Variants in PPP2R5E observed in about 807,000 individuals in gnomAD.
PPP2R5E encodes the protein protein phosphatase 2 regulatory subunit B'epsilon.
PPP2R5E carries 4 observed loss-of-function variants against 65.3 expected under a neutral mutation model. The ratio of observed to expected loss-of-function variants is 0.06; its 90% CI spans 0.03 to 0.14. The LOEUF (loss-of-function observed/expected upper bound fraction) is 0.14. Among genes scored for constraint, PPP2R5E ranks in the 10% least tolerant of loss-of-function variants. The pLI is 1.00. For missense variants in PPP2R5E, 274 were observed against 556.1 expected, an observed-to-expected ratio of 0.49 and a Z score of 5.10; for synonymous variants, 183 against 187.4, an observed-to-expected ratio of 0.98 and a Z score of 0.19.
intron 13 of PPP2R5E, among the ~76,000 whole-genome samples, chr14:63,379,536 T>G (rs1028899638): frequency 6.6e-6 from 1 of 152,234 alleles, no homozygotes; most frequent in Non-Finnish European, 1.5e-5. Flanking sequence ...CCTCCCAAAG[T>G]GCTGCGATTA....
chr14:63,515,881 G>C (rs1448499929), intron 2 of PPP2R5E, among the ~76,000 whole-genome samples: 1 of 129,468 alleles, frequency 7.7e-6, no homozygotes, highest in Non-Finnish European at 1.6e-5. Context: ...ACAGAGTCTT[G>C]CTCTGTCGCC....
rs113378342 is a variant in PPP2R5E, at chr14:63,420,470, G to C, written c.456+1523C>G. On this transcript the variant is annotated intron_variant, in intron 4 of 13. Transcript: ENST00000337537. ...CTTAAAAAAAAAATCAAACATCTAA[G>C]ATAGTAAATCAATTACCGTGTTTTA... is the stretch of plus-strand genomic sequence containing the variant. Among the ~76,000 whole-genome samples the C allele has an allele frequency of 1.5e-3, 229 of 152,082 alleles. 1 individual carries two copies. The highest frequency in any genetic ancestry group is 5.4e-3 in the African/African-American group (222 of 41,482).
At chr14:63,387,426 T>C (rs1031463296) in intron 11 of PPP2R5E, among the ~76,000 whole-genome samples, 10 of 151,920 alleles carry the variant, frequency 6.6e-5, no homozygotes, top group Admixed American at 2.0e-4. Flanking sequence ...GGATCCACTG[T>C]CCTTCTGCAC....
chr14:63,418,361 G>A (rs1163418403), intron 4 of PPP2R5E, among the ~76,000 whole-genome samples: 1 of 152,162 alleles, frequency 6.6e-6, no homozygotes, highest in Admixed American at 6.5e-5. Context: ...CTCCTCTCTG[G>A]TCACTTGAAA....
At chr14:63,477,197 A>G (rs1402220390) in intron 2 of PPP2R5E, among the ~76,000 whole-genome samples, 2 of 152,114 alleles carry the variant, frequency 1.3e-5, no homozygotes, top group Non-Finnish European at 2.9e-5. Flanking sequence ...TAATACTACT[A>G]CTACACCTAC....
chr14:63,508,657 C>A (rs997818720), intron 2 of PPP2R5E, among the ~76,000 whole-genome samples: 16 of 152,236 alleles, frequency 1.1e-4, no homozygotes, highest in Non-Finnish European at 1.9e-4. Flanking sequence ...CCTAGCTTGT[C>A]TTCCCCAAAA....
chr14:63,480,710 T>C (rs1480846565), intron 2 of PPP2R5E, among the ~76,000 whole-genome samples: 1 of 152,198 alleles, frequency 6.6e-6, no homozygotes, highest in Non-Finnish European at 1.5e-5. Flanking sequence ...CCTCTCAAAG[T>C]GCCGGGATTA....
chr14:63,509,245 A>C (rs1171253739), intron 2 of PPP2R5E, among the ~76,000 whole-genome samples: 1 of 145,848 alleles, frequency 6.9e-6, no homozygotes, highest in Non-Finnish European at 1.5e-5. Context: ...AAATCATAGA[A>C]TTACCTTTAT....
chr14:63,510,952 T>TA (rs1892428271), intron 2 of PPP2R5E, among the ~76,000 whole-genome samples: 1 of 152,178 alleles, frequency 6.6e-6, no homozygotes, highest in South Asian at 2.1e-4. Context: ...GCAGAGAAGA[T>TA]AGTGAGAAGT....
chr14:63,429,054 T>C (rs1410626367), intron 3 of PPP2R5E, among the ~76,000 whole-genome samples: 1 of 152,236 alleles, frequency 6.6e-6, no homozygotes, highest in Non-Finnish European at 1.5e-5. Flanking sequence ...TTAAAATTCA[T>C]GAATACTTTG....
intron 5 of PPP2R5E, among the ~76,000 whole-genome samples, chr14:63,405,680 AC>A (rs1886030625): frequency 2.6e-5 from 4 of 152,336 alleles, no homozygotes; most frequent in Admixed American, 2.6e-4. Context: ...ACAATAATCC[AC>A]CCAATGAAAT....
intron 2 of PPP2R5E, among the ~76,000 whole-genome samples, chr14:63,498,433 A>C (rs1891688009): frequency 6.6e-6 from 1 of 151,902 alleles, no homozygotes; most frequent in Admixed American, 6.6e-5. Flanking sequence ...GTTTTAGAAA[A>C]GGATGTTTTT....
chr14:63,480,442 C>T (rs1045237768), intron 2 of PPP2R5E, among the ~76,000 whole-genome samples: 2 of 152,060 alleles, frequency 1.3e-5, no homozygotes, highest in Non-Finnish European at 2.9e-5. Flanking sequence ...GGCAACAGAG[C>T]GAGACCCTGT....
chr14:63,374,816 GAAC>G lies in PPP2R5E; in HGVS notation c.*1190_*1192del, dbSNP rs894743833. On this transcript the variant is annotated 3_prime_UTR_variant, in exon 14 of 14. Coordinates refer to ENST00000337537, the MANE Select transcript of PPP2R5E (RefSeq NM_006246.5). ...CAGATTTTTTTCAGTAGCATTTGTA[GAAC>G]CACTTTTGGTAACAAATACAGTAGT... 1 of 151,660 alleles carries G rather than the reference GAAC, an allele frequency of 6.6e-6. No individual in the cohort carries two copies. Among genetic ancestry groups the G allele is most frequent in the Non-Finnish European group, 1.5e-5 (1 of 67,858 alleles). 9.4% of individuals were successfully genotyped at this position (151,660 alleles called of 1,614,324 possible).
At chr14:63,441,909 A>T (rs1258710804) in intron 3 of PPP2R5E, among the ~76,000 whole-genome samples, 4 of 65,420 alleles carry the variant, frequency 6.1e-5, no homozygotes, top group Non-Finnish European at 1.0e-4. Flanking sequence ...GACTCCGTCT[A>T]AAAAAAAAAA....
At chr14:63,489,322 T>C (rs1891169168) in intron 2 of PPP2R5E, among the ~76,000 whole-genome samples, 1 of 152,066 alleles carries the variant, frequency 6.6e-6, no homozygotes, top group South Asian at 2.1e-4. Flanking sequence ...ACACAAACTA[T>C]TTGTCCCAAA....
chr14:63,483,424 C>CA lies in PPP2R5E; in HGVS notation c.158-29540dup, dbSNP rs531219180. On this transcript the variant is annotated intron_variant, in intron 2 of 13. Coordinates refer to ENST00000337537, the MANE Select transcript of PPP2R5E (RefSeq NM_006246.5). ...ATATCTGAGCCAACTCTTGAGAGAG[C>CA]AAAAAGAAGGGGTTGGCCAGAATCA... 2.4e-3 allele frequency among the ~76,000 whole-genome samples: 307 copies of CA among 130,214 alleles called. 1 individual carries two copies. The highest frequency in any genetic ancestry group is 0.01 in the African/African-American group (262 of 25,710). 85.4% of individuals were successfully genotyped at this position (130,214 alleles called of 152,430 possible).
intron 3 of PPP2R5E, chr14:63,453,216 T>C (rs1888942747): frequency 6.6e-6 from 1 of 152,376 alleles, no homozygotes; most frequent in Non-Finnish European, 1.5e-5. Flanking sequence ...AAGGAGATTA[T>C]AAAGAGAAGC....
intron 2 of PPP2R5E, among the ~76,000 whole-genome samples, chr14:63,500,065 T>A (rs1487512995): frequency 6.6e-6 from 1 of 152,236 alleles, no homozygotes; most frequent in Non-Finnish European, 1.5e-5. Flanking sequence ...ATCCTGCACA[T>A]CACTCAAATT....
Sources: gnomAD v4.1 joint callset for allele counts (sites outside exome capture counted in the v4.1 genomes callset) on GRCh38, gnomAD v4.1.1 for gene constraint, MANE v1.5 for transcripts, NCBI Gene and HGNC (gene_info 2026-07-23, HGNC 2026-07-21) for gene names.